The following DLG2 variants were observed in gnomAD, a reference collection of about 807,000 sequenced individuals.
DLG2 encodes the protein disks large homolog 2.
DLG2 carries 45 observed loss-of-function variants against 132.5 expected under a neutral mutation model. That is an observed-to-expected ratio of 0.34 (90% CI 0.27 to 0.44). DLG2 has a LOEUF of 0.44. Ranked by LOEUF, DLG2 falls within the 20% of genes least tolerant of loss-of-function variation. The pLI is 1.00. For missense variants in DLG2, 1,045 were observed against 1,196.9 expected (o/e 0.87, Z 1.87); for synonymous variants, 424 against 419.6 (o/e 1.01, Z -0.13).
chr11:84,798,347 G>A (rs1410913800), intron 6 of DLG2, among the ~76,000 whole-genome samples: 1 of 152,128 alleles, frequency 6.6e-6, no homozygotes, highest in East Asian at 1.9e-4. Flanking sequence ...AATTTTCCTG[G>A]TATTCTATTC....
At chr11:83,534,066 G>C (rs2095825128) in intron 20 of DLG2, among the ~76,000 whole-genome samples, 1 of 152,156 alleles carries the variant, frequency 6.6e-6, no homozygotes, top group African/African-American at 2.4e-5. Flanking sequence ...CCGCCTGTTT[G>C]AAGGCCAGGG....
At chr11:84,876,882 G>A (rs1268730567) in intron 6 of DLG2, among the ~76,000 whole-genome samples, 1 of 152,104 alleles carries the variant, frequency 6.6e-6, no homozygotes, top group Non-Finnish European at 1.5e-5. Context: ...GGTACATTGT[G>A]TGTTTGTTCT....
intron 7 of DLG2, among the ~76,000 whole-genome samples, chr11:84,402,829 C>T (rs1430729614): frequency 7.1e-6 from 1 of 141,746 alleles, no homozygotes; most frequent in East Asian, 2.0e-4. Context: ...TTGCAGTGAG[C>T]CAAGGTCGTG....
chr11:83,513,063 G>A (rs1319805683), intron 21 of DLG2, among the ~76,000 whole-genome samples: 1 of 152,134 alleles, frequency 6.6e-6, no homozygotes, highest in African/African-American at 2.4e-5. Context: ...GGGATGGCTG[G>A]GTCAAATGGT....
intron 6 of DLG2, among the ~76,000 whole-genome samples, chr11:84,728,306 T>C (rs188990859): frequency 1.7e-3 from 256 of 152,322 alleles, no homozygotes; most frequent in African/African-American, 5.9e-3. Flanking sequence ...TGAAGGGGTG[T>C]TGAATTTTGT....
At chr11:84,018,062 T>C (rs1384254215) in intron 11 of DLG2, among the ~76,000 whole-genome samples, 2 of 152,030 alleles carry the variant, frequency 1.3e-5, no homozygotes, top group Non-Finnish European at 2.9e-5. Context: ...TGTTTGAAAC[T>C]TCTTGGATCT....
At chr11:84,553,119 C>T (rs951900570) in intron 6 of DLG2, among the ~76,000 whole-genome samples, 1 of 152,168 alleles carries the variant, frequency 6.6e-6, no homozygotes, top group South Asian at 2.1e-4. Context: ...ATACCTTGCT[C>T]TTTTTAAGAT....
chr11:84,974,395 T>A (rs2054569555), intron 6 of DLG2, among the ~76,000 whole-genome samples: 1 of 152,154 alleles, frequency 6.6e-6, no homozygotes, highest in Non-Finnish European at 1.5e-5. Flanking sequence ...AATGTGATCT[T>A]AGGTAATTTA....
chr11:83,701,432 T>G (rs1213920753), intron 18 of DLG2, among the ~76,000 whole-genome samples: 1 of 152,198 alleles, frequency 6.6e-6, no homozygotes, highest in Non-Finnish European at 1.5e-5. Context: ...ACATCTATCT[T>G]TGTATTCATT....
chr11:84,166,858 G>T (rs1259490659), intron 8 of DLG2: 3 of 526,156 alleles, frequency 5.7e-6, no homozygotes, highest in African/African-American at 1.9e-5. Flanking sequence ...TCCCAATCAG[G>T]TTATCGACAT....
At chr11:84,411,907 A>G (rs1456475478) in intron 7 of DLG2, among the ~76,000 whole-genome samples, 1 of 151,912 alleles carries the variant, frequency 6.6e-6, no homozygotes, top group African/African-American at 2.4e-5. Context: ...TTTATTTTCT[A>G]GCTGAGTTAT....
chr11:84,443,900 G>A (rs1331967910), intron 7 of DLG2, among the ~76,000 whole-genome samples: 1 of 151,192 alleles, frequency 6.6e-6, no homozygotes, highest in African/African-American at 2.4e-5. Context: ...GTTTTTCAGT[G>A]TTTTATGTTT....
At chr11:83,709,229 C>T (rs17145974) in intron 18 of DLG2, among the ~76,000 whole-genome samples, 1,559 of 127,782 alleles carry the variant, frequency 0.012, 36 homozygotes, top group African/African-American at 0.053. Flanking sequence ...CAAAATTTTA[C>T]ACTGTGTGTG....
intron 3 of DLG2, among the ~76,000 whole-genome samples, chr11:85,554,403 T>C (rs1598474962): frequency 6.6e-6 from 1 of 151,722 alleles, no homozygotes; most frequent in Non-Finnish European, 1.5e-5. Context: ...GCTGGGCAAG[T>C]TGCTGGAAAA....
At chr11:85,324,293 T>C (rs1176937980) in intron 3 of DLG2, among the ~76,000 whole-genome samples, 1 of 152,158 alleles carries the variant, frequency 6.6e-6, no homozygotes, top group Non-Finnish European at 1.5e-5. Flanking sequence ...CACCGCCTTG[T>C]TGACATCACA....
At chr11:83,504,728 G>A (rs565011984) in intron 21 of DLG2, among the ~76,000 whole-genome samples, 34 of 152,246 alleles carry the variant, frequency 2.2e-4, no homozygotes, top group South Asian at 1.5e-3. Context: ...ATGGTGAGTG[G>A]TGCCGCTTCC....
intron 6 of DLG2, among the ~76,000 whole-genome samples, chr11:84,581,912 C>CAAAAAAAAAA (rs780759635): frequency 1.5e-5 from 1 of 64,976 alleles, no homozygotes; most frequent in Non-Finnish European, 3.3e-5. Context: ...TCTCAAAAAC[C>CAAAAAAAAAA]AAAAAAAAAA....
intron 6 of DLG2, among the ~76,000 whole-genome samples, chr11:84,927,369 A>T (rs1020581968): frequency 1.3e-5 from 2 of 151,954 alleles, no homozygotes; most frequent in Non-Finnish European, 2.9e-5. Flanking sequence ...GTAAGTTTAT[A>T]CGTTAAGGAT....
intron 10 of DLG2, among the ~76,000 whole-genome samples, chr11:84,079,278 G>GTT (rs34283629): frequency 0.039 from 5,727 of 147,126 alleles, 128 homozygotes; most frequent in South Asian, 0.049. Context: ...TTTTTGGTTT[G>GTT]TTTTTTTTTT....
Sources: gnomAD v4.1 joint callset for allele counts (sites outside exome capture counted in the v4.1 genomes callset) on GRCh38, gnomAD v4.1.1 for gene constraint, MANE v1.5 for transcripts, NCBI Gene and HGNC (gene_info 2026-07-23, HGNC 2026-07-21) for gene names.